LOC400499: variants seen among roughly 807,000 people sequenced by gnomAD.
chr16:11,469,056 G>C, the LOC400499 span: 3 of 397,840 alleles, frequency 7.5e-6, no homozygotes, highest in African/African-American at 4.1e-5. Flanking sequence ...TAACTGGCAG[G>C]TAGAAAGGGA....
chr16:11,494,403 G>C, the LOC400499 span, among the ~76,000 whole-genome samples: 2 of 151,614 alleles, frequency 1.3e-5, no homozygotes, highest in East Asian at 4.0e-4. Context: ...GGCGTGGGGG[G>C]GCAGGCAGGA....
the LOC400499 span, among the ~76,000 whole-genome samples, chr16:11,420,823 C>T: frequency 6.6e-6 from 1 of 152,254 alleles, no homozygotes; most frequent in East Asian, 1.9e-4. Context: ...TGAATCAAAC[C>T]TTCATTTTAA....
the LOC400499 span, among the ~76,000 whole-genome samples, chr16:11,463,431 T>C: frequency 5.7e-5 from 8 of 140,970 alleles, no homozygotes; most frequent in South Asian, 2.4e-4. Flanking sequence ...TATCTGTACA[T>C]GGATGTGTGT....
At chr16:11,396,146 G>A in the LOC400499 span, among the ~76,000 whole-genome samples, 7 of 152,246 alleles carry the variant, frequency 4.6e-5, 1 homozygote, top group African/African-American at 2.4e-5. Flanking sequence ...AACCCCATGG[G>A]AGATAGGGCC....
the LOC400499 span, chr16:11,385,504 G>A: frequency 4.2e-6 from 4 of 952,222 alleles, no homozygotes; most frequent in Middle Eastern, 3.6e-4. Flanking sequence ...TGCCCCGGAT[G>A]CCTAGAGCTT....
chr16:11,430,302 C>G, the LOC400499 span, among the ~76,000 whole-genome samples: 1 of 152,034 alleles, frequency 6.6e-6, no homozygotes, highest in Non-Finnish European at 1.5e-5. Context: ...CCTGGTCAAC[C>G]TGGTGAAACC....
chr16:11,432,545 T>A, the LOC400499 span, among the ~76,000 whole-genome samples: 5 of 152,204 alleles, frequency 3.3e-5, no homozygotes, highest in Admixed American at 6.5e-5. Flanking sequence ...TTAAACGAAC[T>A]TTGGAATATA....
the LOC400499 span, among the ~76,000 whole-genome samples, chr16:11,512,636 G>A: frequency 2.6e-5 from 4 of 152,098 alleles, no homozygotes; most frequent in Non-Finnish European, 4.4e-5. Context: ...AGTTGATTGT[G>A]GTGATGATGG....
At chr16:11,395,955 G>A in the LOC400499 span, among the ~76,000 whole-genome samples, 4 of 152,172 alleles carry the variant, frequency 2.6e-5, no homozygotes, top group East Asian at 1.9e-4. Context: ...CCAGGTCAGG[G>A]CAGAGTAGGT....
At chr16:11,525,493 C>T in the LOC400499 span, among the ~76,000 whole-genome samples, 1 of 152,088 alleles carries the variant, frequency 6.6e-6, no homozygotes, top group Non-Finnish European at 1.5e-5. Context: ...ACAGATAAAA[C>T]CACATTTCAA....
At chr16:11,409,773 T>A in the LOC400499 span, among the ~76,000 whole-genome samples, 2 of 152,194 alleles carry the variant, frequency 1.3e-5, no homozygotes, top group Admixed American at 6.5e-5. Flanking sequence ...TTACAGGAAA[T>A]AGTTGAAGTA....
At chr16:11,472,248 A>C in the LOC400499 span, 1 of 150,844 alleles carries the variant, frequency 6.6e-6, no homozygotes, top group Non-Finnish European at 1.5e-5. Flanking sequence ...GCTGGAGTAC[A>C]GTGGCACAAT....
the LOC400499 span, among the ~76,000 whole-genome samples, chr16:11,505,040 G>A: frequency 2.0e-5 from 3 of 152,228 alleles, no homozygotes; most frequent in South Asian, 6.2e-4. Context: ...AAGTGATTGA[G>A]GCAGGGGCCG....
chr16:11,386,670 C>A, the LOC400499 span, among the ~76,000 whole-genome samples: 2 of 152,354 alleles, frequency 1.3e-5, no homozygotes, highest in South Asian at 2.1e-4. Flanking sequence ...AGGTTAGACT[C>A]ACCTGGCCAC....
chr16:11,489,460 G>A, the LOC400499 span, among the ~76,000 whole-genome samples: 2 of 152,050 alleles, frequency 1.3e-5, no homozygotes, highest in African/African-American at 2.4e-5. Flanking sequence ...AAGGTCCCTG[G>A]AGGGATAAAG....
the LOC400499 span, among the ~76,000 whole-genome samples, chr16:11,512,259 G>T: frequency 5.9e-5 from 9 of 151,870 alleles, no homozygotes; most frequent in Non-Finnish European, 1.2e-4. Context: ...TCCAGCCTGG[G>T]CAACAGAGCC....
the LOC400499 span, among the ~76,000 whole-genome samples, chr16:11,428,715 C>T: frequency 6.6e-6 from 1 of 152,200 alleles, no homozygotes; most frequent in Non-Finnish European, 1.5e-5. Context: ...GTGCCTTAAC[C>T]TCCTGGGAAC....
chr16:11,447,166 G>A, the LOC400499 span, among the ~76,000 whole-genome samples: 387 of 152,310 alleles, frequency 2.5e-3, 11 homozygotes, highest in East Asian at 0.065. Context: ...AAAGACCCAA[G>A]AGGATAGATG....
chr16:11,460,705 A>G, the LOC400499 span: 3 of 1,431,466 alleles, frequency 2.1e-6, no homozygotes, highest in Non-Finnish European at 2.8e-6. Flanking sequence ...GCCTGGCCTC[A>G]GCCACACCCC....
Sources: gnomAD v4.1 joint callset for allele counts (sites outside exome capture counted in the v4.1 genomes callset) on GRCh38, gnomAD v4.1.1 for gene constraint, MANE v1.5 for transcripts.